PRELID2: variants seen among roughly 807,000 people sequenced by gnomAD.
The protein encoded by PRELID2 is PRELI domain containing 2.
Under a neutral mutation model 28.4 loss-of-function variants are expected in PRELID2, and 25 were observed. The observed-to-expected ratio is 0.88, with a 90% confidence interval of 0.64 to 1.23. PRELID2 has a LOEUF of 1.23. Ranked by LOEUF, PRELID2 falls within the 50% of genes most tolerant of loss-of-function variation. PRELID2 has a pLI of 0.00. For missense variants in PRELID2, 201 were observed against 214.4 expected (o/e 0.94, Z 0.39); for synonymous variants, 76 against 71.6 (o/e 1.06, Z -0.31).
intron 1 of PRELID2, among the ~76,000 whole-genome samples, chr5:145,828,293 T>A (rs1279404752): frequency 6.6e-6 from 1 of 152,234 alleles, no homozygotes; most frequent in African/African-American, 2.4e-5. Flanking sequence ...AGAAAATAAA[T>A]GTAGCTGGTT....
chr5:145,299,612 C>G, the PRELID2 span, among the ~76,000 whole-genome samples: 1 of 149,172 alleles, frequency 6.7e-6, no homozygotes, highest in South Asian at 2.1e-4. Flanking sequence ...ATTTTTTTTC[C>G]CTGCTGAGAC....
At chr5:145,458,700 T>G in the PRELID2 span, among the ~76,000 whole-genome samples, 1 of 152,154 alleles carries the variant, frequency 6.6e-6, no homozygotes, top group Non-Finnish European at 1.5e-5. Flanking sequence ...CCCTGACAGG[T>G]AGAGAAAATA....
chr5:145,805,303 C>T (rs977837602), intron 4 of PRELID2, among the ~76,000 whole-genome samples: 2 of 151,996 alleles, frequency 1.3e-5, no homozygotes, highest in Non-Finnish European at 1.5e-5. Flanking sequence ...AAGTGTTTAG[C>T]GTTTGCTAGA....
At chr5:145,467,732 A>G (rs2126600783), downstream of PRELID2, among the ~76,000 whole-genome samples, 1 of 150,054 alleles carries the variant, frequency 6.7e-6, no homozygotes, top group African/African-American at 2.4e-5. Context: ...AGCCATTTCT[A>G]TTCTCAATCA....
chr5:145,507,733 A>T (rs1168886131), intron 1 of PRELID2, among the ~76,000 whole-genome samples: 1 of 152,146 alleles, frequency 6.6e-6, no homozygotes, highest in East Asian at 1.9e-4. Flanking sequence ...CTGTCTCCAC[A>T]TTAACCCTAA....
the PRELID2 span, among the ~76,000 whole-genome samples, chr5:145,460,822 G>T: frequency 4.5e-3 from 681 of 152,222 alleles, 6 homozygotes; most frequent in African/African-American, 0.015. Flanking sequence ...CACACTGTTG[G>T]CAGCTCCATG....
intron 1 of PRELID2, among the ~76,000 whole-genome samples, chr5:145,581,221 T>A (rs1753104671): frequency 6.6e-6 from 1 of 152,044 alleles, no homozygotes; most frequent in Non-Finnish European, 1.5e-5. Context: ...TCCCAAACCA[T>A]CTTCTACTCC....
At chr5:145,581,946 A>G (rs775445324) in intron 1 of PRELID2, among the ~76,000 whole-genome samples, 7 of 152,142 alleles carry the variant, frequency 4.6e-5, no homozygotes, top group Admixed American at 6.6e-5. Flanking sequence ...GATTCAAATT[A>G]GCCATATTCA....
chr5:145,530,623 G>A (rs1178690611), intron 1 of PRELID2, among the ~76,000 whole-genome samples: 4 of 152,002 alleles, frequency 2.6e-5, no homozygotes, highest in African/African-American at 4.8e-5. Flanking sequence ...GGTAACGAAC[G>A]CAGGAACCGG....
the PRELID2 span, among the ~76,000 whole-genome samples, chr5:145,389,226 C>A: frequency 6.6e-6 from 1 of 152,052 alleles, no homozygotes; most frequent in Non-Finnish European, 1.5e-5. Context: ...GATCTGCACT[C>A]AAAAATGACT....
At chr5:145,751,317 A>C (rs942640899) in intron 1 of PRELID2, among the ~76,000 whole-genome samples, 2 of 152,146 alleles carry the variant, frequency 1.3e-5, no homozygotes, top group African/African-American at 4.8e-5. Context: ...AGAACATGGA[A>C]ATTTCAGGAG....
chr5:145,555,292 C>T (rs1324293801), intron 1 of PRELID2, among the ~76,000 whole-genome samples: 1 of 152,170 alleles, frequency 6.6e-6, no homozygotes, highest in South Asian at 2.1e-4. Flanking sequence ...TCTCTGAAGG[C>T]ATACCTTGAA....
chr5:145,532,223 T>C (rs1371429451), intron 1 of PRELID2, among the ~76,000 whole-genome samples: 1 of 152,136 alleles, frequency 6.6e-6, no homozygotes, highest in Non-Finnish European at 1.5e-5. Flanking sequence ...TGTGATTAAC[T>C]CTTCTTCATC....
the PRELID2 span, among the ~76,000 whole-genome samples, chr5:145,325,444 T>C: frequency 1.3e-5 from 2 of 152,210 alleles, no homozygotes; most frequent in Non-Finnish European, 2.9e-5. Flanking sequence ...ACAAGAGTTG[T>C]CTGAGAGGAC....
the PRELID2 span, among the ~76,000 whole-genome samples, chr5:145,321,649 C>T: frequency 2.6e-5 from 4 of 152,276 alleles, no homozygotes; most frequent in East Asian, 1.9e-4. Context: ...AAAGCACTGA[C>T]GTTTGGATAT....
rs149822379 is a variant in PRELID2, at chr5:145,596,291, G to A, written n.71-122976C>T. Among the ~76,000 whole-genome samples the A allele has an allele frequency of 4.0e-3, 607 of 152,080 alleles. 2 individuals carry two copies. Among genetic ancestry groups the A allele is most frequent in the Non-Finnish European group, 6.8e-3 (464 of 68,002 alleles). ...TCCTCTCCAATTAAGTTTATCAGAAGGGAGGTTATTAGTGTACAAAGAAAA... is the reference window on the plus strand; with the variant it reads ...TCCTCTCCAATTAAGTTTATCAGAAAGGAGGTTATTAGTGTACAAAGAAAA... On this transcript the variant is annotated intron_variant and non_coding_transcript_variant, in intron 1 of 2. Transcript: ENST00000510259.
chr5:145,242,911 C>G, the PRELID2 span, among the ~76,000 whole-genome samples: 1 of 152,004 alleles, frequency 6.6e-6, no homozygotes, highest in South Asian at 2.1e-4. Context: ...TCTTGAGAGA[C>G]AGCTATATAA....
At chr5:145,269,605 A>G in the PRELID2 span, among the ~76,000 whole-genome samples, 1 of 151,950 alleles carries the variant, frequency 6.6e-6, no homozygotes, top group East Asian at 1.9e-4. Context: ...GGAAGCAGAA[A>G]TCAATGATCA....
At chr5:145,408,460 G>GTATAACATATATATGTATAATATATATA in the PRELID2 span, among the ~76,000 whole-genome samples, 1 of 143,920 alleles carries the variant, frequency 6.9e-6, no homozygotes. Context: ...TAATATATAT[G>GTATAACATATATATGTATAATATATATA]TATAATATAT....
Sources: allele counts gnomAD v4.1 joint callset (sites outside exome capture counted in the v4.1 genomes callset), GRCh38; gene constraint gnomAD v4.1.1; transcripts MANE v1.5; gene names NCBI Gene and HGNC (gene_info 2026-07-23, HGNC 2026-07-21).